ADAM10: variants seen among roughly 807,000 people sequenced by gnomAD.
ADAM10 encodes ADAM metallopeptidase domain 10, also known as disintegrin and metalloproteinase domain-containing protein 10.
A neutral mutation model predicts 90.1 loss-of-function variants in ADAM10; 17 were observed. That is an observed-to-expected ratio of 0.19 (90% CI 0.13 to 0.28). The LOEUF is 0.28. Among genes scored for constraint, ADAM10 ranks in the 10% least tolerant of loss-of-function variants. ADAM10 has a pLI of 1.00. For missense variants in ADAM10, 610 were observed against 914.3 expected (o/e 0.67, Z 4.29); for synonymous variants, 310 against 298.6 (o/e 1.04, Z -0.40).
chr15:58,593,149 A>ATTTTTTTTTT lies in ADAM10; in HGVS notation c.*4388_*4397dup, dbSNP rs766149223. On this transcript the variant is annotated 3_prime_UTR_variant, in exon 16 of 16. Transcript: ENST00000260408. Reference sequence around the variant, plus strand: ...AAAGTAACAAAGGCCAGGTACTCAAATTTTTTTTTTTTTTTTTTTTTTTTT... The same window carrying ATTTTTTTTTT: ...AAAGTAACAAAGGCCAGGTACTCAAATTTTTTTTTTTTTTTTTTTTTTTTTTTTTTTTTTT... 28 of 68,466 alleles carry ATTTTTTTTTT rather than the reference A, an allele frequency of 4.1e-4. 3 individuals are homozygous for ATTTTTTTTTT. Among genetic ancestry groups the ATTTTTTTTTT allele is most frequent in the Middle Eastern group, 0.012 (1 of 86 alleles). The allele number at this position is 68,466 out of a possible 1,614,324, so 4.2% of individuals were successfully genotyped here. A position where few individuals can be genotyped will look rare whatever the true frequency, so the allele number is the denominator to read the frequency against.
chr15:58,625,914 T>C (rs1226279817), intron 10 of ADAM10, among the ~76,000 whole-genome samples: 1 of 152,238 alleles, frequency 6.6e-6, no homozygotes, highest in Non-Finnish European at 1.5e-5. Flanking sequence ...AAAGGTTGTA[T>C]GCTGTCTGAT....
chr15:58,657,945 C>A (rs1436119728), intron 5 of ADAM10, among the ~76,000 whole-genome samples: 2 of 151,374 alleles, frequency 1.3e-5, no homozygotes, highest in African/African-American at 2.4e-5. Context: ...GGAAAAAAGC[C>A]TTTTATCAGA....
intron 2 of ADAM10, among the ~76,000 whole-genome samples, chr15:58,687,014 G>A (rs1212763310): frequency 1.3e-5 from 2 of 152,048 alleles, no homozygotes; most frequent in African/African-American, 4.8e-5. Context: ...TTAAACAATC[G>A]AATACTTGTA....
At chr15:58,694,656 T>C (rs1897925740) in intron 2 of ADAM10, among the ~76,000 whole-genome samples, 1 of 152,018 alleles carries the variant, frequency 6.6e-6, no homozygotes. Context: ...CAGCTTTATT[T>C]ATAATAGCCA....
chr15:58,718,677 G>C (rs1898743794), intron 1 of ADAM10, among the ~76,000 whole-genome samples: 1 of 152,106 alleles, frequency 6.6e-6, no homozygotes, highest in Non-Finnish European at 1.5e-5. Flanking sequence ...TGAGCACCAG[G>C]TACCGTTCAA....
intron 4 of ADAM10, among the ~76,000 whole-genome samples, chr15:58,673,143 A>G (rs1272621821): frequency 6.6e-6 from 1 of 152,202 alleles, no homozygotes; most frequent in African/African-American, 2.4e-5. Context: ...AAAAAAAAAT[A>G]CAGATGGATG....
At chr15:58,734,906 T>C (rs551419456) in intron 1 of ADAM10, among the ~76,000 whole-genome samples, 1 of 152,170 alleles carries the variant, frequency 6.6e-6, no homozygotes, top group Non-Finnish European at 1.5e-5. Context: ...GAAATGGGCA[T>C]GGTTTACTCC....
chr15:58,715,088 G>A (rs943846994), intron 2 of ADAM10, among the ~76,000 whole-genome samples: 11 of 152,122 alleles, frequency 7.2e-5, no homozygotes, highest in African/African-American at 2.2e-4. Flanking sequence ...AGAAAATACA[G>A]TAAGTTTGTA....
intron 15 of ADAM10, among the ~76,000 whole-genome samples, chr15:58,599,179 C>T (rs1197826864): frequency 1.0e-3 from 8 of 7,986 alleles, no homozygotes; most frequent in Non-Finnish European, 1.3e-3. Context: ...GAAGGGAGGG[C>T]GGGAGGGAGG....
chr15:58,692,198 G>A (rs754567402), intron 2 of ADAM10: 4 of 562,874 alleles, frequency 7.1e-6, no homozygotes, highest in Non-Finnish European at 1.4e-5. Flanking sequence ...GGAGCCTGAT[G>A]AGGGATGAAC....
intron 1 of ADAM10, among the ~76,000 whole-genome samples, chr15:58,740,818 TGAA>T (rs1464913310): frequency 3.3e-5 from 5 of 152,212 alleles, no homozygotes; most frequent in African/African-American, 1.2e-4. Flanking sequence ...AAAATTGTGT[TGAA>T]GGAGGAATTA....
At chr15:58,680,481 G>A (rs1897403747) in intron 3 of ADAM10, among the ~76,000 whole-genome samples, 1 of 152,108 alleles carries the variant, frequency 6.6e-6, no homozygotes, top group Non-Finnish European at 1.5e-5. Context: ...TTGAACAAAA[G>A]TATACCAACA....
At chr15:58,647,246 G>GTCTTTTTTTTTT (rs1323960397) in intron 5 of ADAM10, among the ~76,000 whole-genome samples, 2 of 36,826 alleles carry the variant, frequency 5.4e-5, no homozygotes, top group African/African-American at 1.5e-4. Context: ...TAGACACTAA[G>GTCTTTTTTTTTT]TATTTTTTTT....
chr15:58,671,937 T>A (rs1416052859), intron 4 of ADAM10, among the ~76,000 whole-genome samples: 4 of 152,062 alleles, frequency 2.6e-5, no homozygotes, highest in African/African-American at 4.8e-5. Flanking sequence ...CCAAAAGACA[T>A]GGATCCATGT....
At chr15:58,612,111 A>G (rs748258159) in intron 11 of ADAM10, 120 bp from the exon 12 acceptor site, 59 of 997,448 alleles carry the variant, frequency 5.9e-5, no homozygotes, top group Non-Finnish European at 8.9e-5. Flanking sequence ...CCTAAGTCTC[A>G]TCACTTAAAT....
chr15:58,623,355 C>G (rs926107414), intron 10 of ADAM10, among the ~76,000 whole-genome samples: 4 of 152,114 alleles, frequency 2.6e-5, no homozygotes, highest in African/African-American at 9.7e-5. Context: ...ATTTCAGGGC[C>G]CCCAGGGATG....
intron 5 of ADAM10, among the ~76,000 whole-genome samples, chr15:58,652,363 C>G (rs1896710499): frequency 6.6e-6 from 1 of 152,146 alleles, no homozygotes; most frequent in Non-Finnish European, 1.5e-5. Context: ...TTGCAGCAGT[C>G]TCACAGTGGA....
rs111680129 is a variant in ADAM10, at chr15:58,674,955, C to T, written c.484+4169G>A. 3.5e-3 allele frequency among the ~76,000 whole-genome samples: 536 copies of T among 152,262 alleles called. 5 individuals are homozygous for T. Among genetic ancestry groups the T allele is most frequent in the African/African-American group, 0.012 (513 of 41,556 alleles). ...CTGTAATCCCAACACTTTGGGAGGC[C>T]GAGGCGGGCGGATCACGAGGTCAAG... On this transcript the variant is annotated intron_variant, in intron 4 of 15. Transcript: ENST00000260408.
chr15:58,709,327 T>A (rs963848898), intron 2 of ADAM10, among the ~76,000 whole-genome samples: 10 of 152,266 alleles, frequency 6.6e-5, no homozygotes, highest in African/African-American at 2.4e-4. Context: ...CATGAAACAT[T>A]TTAGCATGAA....
Sources: gnomAD v4.1 joint callset for allele counts (sites outside exome capture counted in the v4.1 genomes callset) on GRCh38, gnomAD v4.1.1 for gene constraint, MANE v1.5 for transcripts, NCBI Gene and HGNC (gene_info 2026-07-23, HGNC 2026-07-21) for gene names.